Variants in SIM1 observed in about 807,000 individuals in gnomAD.
SIM1 encodes SIM bHLH transcription factor 1, also known as single-minded homolog 1.
SIM1 carries 18 observed loss-of-function variants against 78.2 expected under a neutral mutation model. The observed-to-expected ratio is 0.23, with a 90% CI of 0.16 to 0.34. The LOEUF is 0.34. Among genes scored for constraint, SIM1 ranks in the 10% least tolerant of loss-of-function variants. The probability of loss-of-function intolerance (pLI) is 1.00; values close to 1 mark genes in which losing one functional copy is unlikely to be tolerated. For missense variants in SIM1, 939 were observed against 975.1 expected (o/e 0.96, Z 0.49); for synonymous variants, 417 against 385.2 (o/e 1.08, Z -0.97).
At chr6:100,435,217 C>G (rs1772013082) in intron 9 of SIM1, among the ~76,000 whole-genome samples, 2 of 152,118 alleles carry the variant, frequency 1.3e-5, no homozygotes, top group Non-Finnish European at 2.9e-5. Flanking sequence ...GTCCATAGAC[C>G]ATGCAAAATA....
At chr6:100,422,154 A>T (rs1449030806) in intron 9 of SIM1, among the ~76,000 whole-genome samples, 1 of 152,076 alleles carries the variant, frequency 6.6e-6, no homozygotes, top group Non-Finnish European at 1.5e-5. Context: ...GCCTTTTAAA[A>T]TTTTTTACAT....
intron 6 of SIM1, 61 bp downstream of exon 6, chr6:100,449,302 G>A (rs568776110): frequency 1.1e-5 from 16 of 1,407,148 alleles, no homozygotes; most frequent in Admixed American, 1.7e-5. Flanking sequence ...CTCCCACGCC[G>A]CACGCGCCTT....
At chr6:100,417,613 T>G (rs751240241) in intron 10 of SIM1, among the ~76,000 whole-genome samples, 17 of 152,232 alleles carry the variant, frequency 1.1e-4, no homozygotes, top group Non-Finnish European at 2.1e-4. Flanking sequence ...GAATCCAAGA[T>G]GGAGGACTTC....
At chr6:100,431,947 C>G (rs1771913268) in intron 9 of SIM1, among the ~76,000 whole-genome samples, 1 of 152,104 alleles carries the variant, frequency 6.6e-6, no homozygotes, top group Non-Finnish European at 1.5e-5. Flanking sequence ...AGTTCAAGAA[C>G]AGCCTTGACA....
In SIM1 at chr6:100,412,639, A is replaced by G. The variant is rs1167550651; in HGVS notation, c.1167+8151T>C. 2.4e-4 allele frequency among the ~76,000 whole-genome samples: 27 copies of G among 110,992 alleles called. 1 individual carries two copies. Among genetic ancestry groups the G allele is most frequent in the African/African-American group, 7.7e-4 (22 of 28,666 alleles). 72.8% of individuals were successfully genotyped at this position (110,992 alleles called of 152,430 possible). On this transcript the variant is annotated intron_variant, in intron 10 of 11. Coordinates refer to ENST00000369208, the MANE Select transcript of SIM1 (RefSeq NM_005068.3). ...AAGAAAGAAGGAAAGAAAGAAAGAAAAGAAAGAAAGAAAGAAAGAGAGAGA... is the reference window on the plus strand; with the variant it reads ...AAGAAAGAAGGAAAGAAAGAAAGAAGAGAAAGAAAGAAAGAAAGAGAGAGA...
chr6:100,447,233 TGGGGTGGGTGAAG>T (rs1772379975), intron 9 of SIM1, 22 bp downstream of exon 9: 1 of 1,603,744 alleles, frequency 6.2e-7, no homozygotes, highest in Admixed American at 1.7e-5. Flanking sequence ...CAGGGTCGCC[TGGGGTGGGTGAAG>T]GGGTCTCAGT....
At chr6:100,448,716 G>T (rs1172451647) in intron 6 of SIM1, 38 bp from the exon 7 acceptor site, 1 of 1,575,482 alleles carries the variant, frequency 6.3e-7, no homozygotes, top group Non-Finnish European at 8.6e-7. Context: ...TCAGCCACAG[G>T]TAGGAAGAGC....
chr6:100,422,341 T>C (rs1415455760), intron 9 of SIM1, among the ~76,000 whole-genome samples: 1 of 152,046 alleles, frequency 6.6e-6, no homozygotes, highest in Non-Finnish European at 1.5e-5. Flanking sequence ...GTAGCTAGGA[T>C]TACTGGCAGC....
At chr6:100,452,736 T>C (rs1269998373) in intron 3 of SIM1, among the ~76,000 whole-genome samples, 1 of 152,228 alleles carries the variant, frequency 6.6e-6, no homozygotes, top group Non-Finnish European at 1.5e-5. Flanking sequence ...GGAAATCTGA[T>C]AGAAGATGTC....
intron 9 of SIM1, among the ~76,000 whole-genome samples, chr6:100,436,333 T>C (rs1772048419): frequency 6.6e-6 from 1 of 152,174 alleles, no homozygotes; most frequent in Non-Finnish European, 1.5e-5. Context: ...TGGCACATAA[T>C]AGGTGTTCAA....
chr6:100,431,280 C>T (rs1319816139), intron 9 of SIM1, among the ~76,000 whole-genome samples: 1 of 152,170 alleles, frequency 6.6e-6, no homozygotes, highest in Non-Finnish European at 1.5e-5. Flanking sequence ...GGTTTCTTTA[C>T]AGTTGCTGTG....
intron 9 of SIM1, among the ~76,000 whole-genome samples, chr6:100,432,890 G>A (rs944266869): frequency 6.6e-6 from 1 of 152,034 alleles, no homozygotes; most frequent in Non-Finnish European, 1.5e-5. Context: ...AACCCTCATT[G>A]CTGCCTCTGC....
rs535005838 is a variant in SIM1, at chr6:100,405,492, C to A, written c.1168-11603G>T. ...AAACCAATTTTAAAGTATTTATTCACAAGATTTCCCCCCATTATTTTATAA... is the reference window on the plus strand; with the variant it reads ...AAACCAATTTTAAAGTATTTATTCAAAAGATTTCCCCCCATTATTTTATAA... On this transcript the variant is annotated intron_variant, in intron 10 of 11. Coordinates refer to ENST00000369208, the MANE Select transcript of SIM1 (RefSeq NM_005068.3). Among the ~76,000 whole-genome samples, 14 of 152,204 alleles carry A rather than the reference C, an allele frequency of 9.2e-5. No individual in the cohort carries two copies. The South Asian group carries it at 2.9e-3, about 32-fold the overall frequency.
intron 8 of SIM1, among the ~76,000 whole-genome samples, 181 bp from the exon 9 acceptor site, chr6:100,447,596 C>G (rs1772389649): frequency 6.6e-6 from 1 of 152,314 alleles, no homozygotes; most frequent in Middle Eastern, 3.4e-3. Flanking sequence ...GGTATTGCAT[C>G]GAGCCCTCCG....
intron 10 of SIM1, among the ~76,000 whole-genome samples, chr6:100,416,496 T>C (rs924981302): frequency 6.6e-6 from 1 of 152,192 alleles, no homozygotes; most frequent in African/African-American, 2.4e-5. Context: ...AATTTTGCTT[T>C]TGCTCTGGAA....
At chr6:100,462,273 G>A (rs965251523) in intron 2 of SIM1, among the ~76,000 whole-genome samples, 1 of 152,120 alleles carries the variant, frequency 6.6e-6, no homozygotes, top group South Asian at 2.1e-4. Context: ...ATTTTTGTTT[G>A]TTTGCTTGTT....
At chr6:100,441,880 A>T (rs575415411) in intron 9 of SIM1, among the ~76,000 whole-genome samples, 2 of 152,304 alleles carry the variant, frequency 1.3e-5, no homozygotes, top group South Asian at 4.1e-4. Flanking sequence ...TGTGGGCTGA[A>T]CACTACAGGC....
chr6:100,406,391 T>C (rs1344001132), intron 10 of SIM1, among the ~76,000 whole-genome samples: 1 of 152,200 alleles, frequency 6.6e-6, no homozygotes, highest in Non-Finnish European at 1.5e-5. Context: ...TACTGCTTTA[T>C]TCTGTGTTTG....
chr6:100,447,181 T>A (rs1169795829), intron 9 of SIM1, 87 bp downstream of exon 9: 1 of 1,498,106 alleles, frequency 6.7e-7, no homozygotes, highest in Non-Finnish European at 9.1e-7. Context: ...GCCCGAGCCT[T>A]GTCTAACCCG....
Sources: gnomAD v4.1 joint callset for allele counts (sites outside exome capture counted in the v4.1 genomes callset) on GRCh38, gnomAD v4.1.1 for gene constraint, MANE v1.5 for transcripts, NCBI Gene and HGNC (gene_info 2026-07-23, HGNC 2026-07-21) for gene names.